ASNS: variants seen among roughly 807,000 people sequenced by gnomAD.
The protein encoded by ASNS is asparagine synthetase [glutamine-hydrolyzing].
Under a neutral mutation model 62.6 loss-of-function variants are expected in ASNS, and 37 were observed. That is an observed-to-expected ratio of 0.59 (90% CI 0.45 to 0.78). The LOEUF is 0.78. ASNS is among the 30% of genes least tolerant of loss of function. The pLI is 0.00. For missense variants in ASNS, 520 were observed against 682.4 expected (o/e 0.76, Z 2.65); for synonymous variants, 207 against 237.9 (o/e 0.87, Z 1.19).
chr7:97,862,388 T>C (rs1172074309), intron 4 of ASNS, among the ~76,000 whole-genome samples: 2 of 152,166 alleles, frequency 1.3e-5, no homozygotes, highest in African/African-American at 4.8e-5. Context: ...ACAACTATTA[T>C]ACGACATTCT....
the ASNS span, among the ~76,000 whole-genome samples, chr7:97,925,552 C>G: frequency 2.6e-5 from 4 of 152,126 alleles, no homozygotes; most frequent in African/African-American, 9.7e-5. Flanking sequence ...CCCACCACCA[C>G]CACCATGAAT....
chr7:97,896,272 C>T, the ASNS span, among the ~76,000 whole-genome samples: 120 of 152,006 alleles, frequency 7.9e-4, no homozygotes, highest in African/African-American at 2.7e-3. Context: ...AAGCTAGAAG[C>T]CTCACACTAC....
At chr7:97,895,648 A>G in the ASNS span, among the ~76,000 whole-genome samples, 5 of 152,096 alleles carry the variant, frequency 3.3e-5, no homozygotes, top group Non-Finnish European at 5.9e-5. Context: ...ACAATTAGCC[A>G]GGCATGGTGG....
intron 2 of ASNS, 143 bp from the exon 3 acceptor site, chr7:97,869,322 G>A (rs2115757281): frequency 2.1e-6 from 2 of 968,352 alleles, no homozygotes; most frequent in Non-Finnish European, 3.0e-6. Context: ...CCATTAGGTT[G>A]GCAGGCACAT....
rs1562816153 is a variant in ASNS, at chr7:97,858,378, GC to G, written c.802del (p.Ala268ProfsTer4). 1 of 1,614,156 alleles carries G rather than the reference GC, an allele frequency of 6.2e-7. No homozygotes were observed. The highest frequency in any genetic ancestry group is 8.5e-7 in the Non-Finnish European group (1 of 1,180,014). On this transcript the variant is annotated frameshift_variant, in exon 7 of 13. Transcript: ENST00000394308. LOFTEE classifies it high-confidence loss of function. Reference protein sequence around the residue: ...SGGLDSSLVAATLLKQLKEAQ... With the variant: ...SGGLDSSLVAXTLLKQLKEAQ... ...TTCTTTCAGCTGCTTCAACAGAGTG[GC>G]AGCAACCAAGCTGGAGTCCAAGCCC...
At chr7:97,859,092 C>T in intron 5 of ASNS, 121 bp downstream of exon 5, 1 of 1,404,366 alleles carries the variant, frequency 7.1e-7, no homozygotes, top group African/African-American at 1.4e-5. Context: ...TTAATGTGTT[C>T]CCTCCAAACA....
intron 3 of ASNS, among the ~76,000 whole-genome samples, chr7:97,866,317 G>A (rs1271124318): frequency 6.6e-6 from 1 of 152,166 alleles, no homozygotes; most frequent in South Asian, 2.1e-4. Context: ...TGGTCCCCAG[G>A]GGTGGATGAC....
chr7:97,865,363 A>C (rs1791914810), intron 3 of ASNS, among the ~76,000 whole-genome samples: 1 of 152,170 alleles, frequency 6.6e-6, no homozygotes, highest in South Asian at 2.1e-4. Context: ...TCAGGTGAGA[A>C]GAAACATCAG....
intron 4 of ASNS, among the ~76,000 whole-genome samples, chr7:97,861,862 G>A (rs1488972458): frequency 2.0e-5 from 3 of 152,110 alleles, no homozygotes; most frequent in Admixed American, 1.3e-4. Context: ...ATAGTTTTCA[G>A]AGTACAAGTT....
chr7:97,862,465 C>T (rs536278385), intron 4 of ASNS, among the ~76,000 whole-genome samples: 58 of 151,896 alleles, frequency 3.8e-4, no homozygotes, highest in East Asian at 1.7e-3. Flanking sequence ...AGGAAGAGGA[C>T]GGGAGGAAAG....
At chr7:97,886,065 A>C in the ASNS span, 1 of 558,648 alleles carries the variant, frequency 1.8e-6, no homozygotes, top group African/African-American at 2.0e-5. Flanking sequence ...GAATGACTCA[A>C]CCAGACAGAT....
chr7:97,923,920 C>G, the ASNS span, among the ~76,000 whole-genome samples: 45 of 152,350 alleles, frequency 3.0e-4, no homozygotes, highest in Non-Finnish European at 2.9e-5. Context: ...GTCCCAGCCT[C>G]CAACTCATCT....
chr7:97,924,231 A>C, the ASNS span, among the ~76,000 whole-genome samples: 1 of 152,170 alleles, frequency 6.6e-6, no homozygotes, highest in African/African-American at 2.4e-5. Flanking sequence ...GCTAACAGGA[A>C]TGTGCTTCAT....
chr7:97,866,902 T>C (rs1791999348), intron 3 of ASNS, among the ~76,000 whole-genome samples: 1 of 152,232 alleles, frequency 6.6e-6, no homozygotes. Context: ...CTGACTCTTC[T>C]GGGCTGAACT....
At chr7:97,886,800 T>C in the ASNS span, among the ~76,000 whole-genome samples, 2 of 152,132 alleles carry the variant, frequency 1.3e-5, no homozygotes, top group Non-Finnish European at 2.9e-5. Context: ...AATGTGACTG[T>C]GTTTTATTTT....
Position 97,859,135 on chromosome 7 carries a change from T to A in ASNS, c.673+78A>T, listed in dbSNP as rs577181343. The stretch of plus-strand genomic sequence containing the variant: ...AAGTAGGTCTTGAAACTAAAATCAT[T>A]CAAATGATGGGAGAATACAACTTAA... On this transcript the variant is annotated intron_variant, in intron 5 of 12. Transcript: ENST00000394308. 130 of 1,519,142 alleles carry A rather than the reference T, an allele frequency of 8.6e-5. No individual in the cohort carries two copies. The South Asian group carries it at 1.5e-3, about 17-fold the overall frequency. The allele number at this position is 1,519,142 out of a possible 1,614,324, so 94.1% of individuals were successfully genotyped here.
At chr7:97,883,584 G>T in the ASNS span, among the ~76,000 whole-genome samples, 90 of 152,262 alleles carry the variant, frequency 5.9e-4, 1 homozygote. Flanking sequence ...GTCTTCCCCT[G>T]GCCCTGTGAC....
At chr7:97,926,274 G>A in the ASNS span, among the ~76,000 whole-genome samples, 1 of 152,038 alleles carries the variant, frequency 6.6e-6, no homozygotes, top group East Asian at 1.9e-4. Context: ...TGATGAGAAA[G>A]AACATTTTAT....
intron 4 of ASNS, chr7:97,863,250 A>G (rs1791806924): frequency 6.6e-6 from 1 of 152,256 alleles, no homozygotes; most frequent in African/African-American, 2.4e-5. Context: ...CTGACAAGCG[A>G]ATAAACAAAA....
Sources: gnomAD v4.1 joint callset for allele counts (sites outside exome capture counted in the v4.1 genomes callset) on GRCh38, gnomAD v4.1.1 for gene constraint, MANE v1.5 for transcripts, NCBI Gene and HGNC (gene_info 2026-07-23, HGNC 2026-07-21) for gene names.